The following PCDH7 variants were observed in gnomAD, a reference collection of about 807,000 sequenced individuals.
PCDH7 encodes the protein protocadherin 7.
A neutral mutation model predicts 58.9 loss-of-function variants in PCDH7; 17 were observed. The observed-to-expected ratio is 0.29, with a 90% CI of 0.20 to 0.43. PCDH7 has a LOEUF of 0.43. PCDH7 is among the 20% of genes least tolerant of loss of function. The pLI, the probability that PCDH7 is intolerant of heterozygous loss-of-function variation, is 1.00. For missense variants in PCDH7, 1,274 were observed against 1,441.0 expected, an observed-to-expected ratio of 0.88 and a Z score of 1.88; for synonymous variants, 664 against 616.4, an observed-to-expected ratio of 1.08 and a Z score of -1.14.
intron 3 of PCDH7, among the ~76,000 whole-genome samples, chr4:31,062,883 G>A (rs774460424): frequency 1.3e-5 from 2 of 151,744 alleles, no homozygotes; most frequent in African/African-American, 2.4e-5. Context: ...ACCAAGTTTT[G>A]TTGCTGTTGC....
chr4:30,992,403 G>A (rs142544730), intron 3 of PCDH7, among the ~76,000 whole-genome samples: 53 of 152,282 alleles, frequency 3.5e-4, no homozygotes, highest in Middle Eastern at 3.4e-3. Context: ...GGGTGCCTCA[G>A]TATAACAACA....
chr4:30,766,804 A>T (rs1216409317), intron 1 of PCDH7, among the ~76,000 whole-genome samples: 1 of 152,096 alleles, frequency 6.6e-6, no homozygotes, highest in Non-Finnish European at 1.5e-5. Flanking sequence ...GTTACATCTG[A>T]TTTATTTGTA....
intron 3 of PCDH7, among the ~76,000 whole-genome samples, chr4:30,973,243 G>T (rs1156687809): frequency 6.6e-6 from 1 of 152,188 alleles, no homozygotes; most frequent in African/African-American, 2.4e-5. Flanking sequence ...GAGGATGAAA[G>T]GTACTACAAG....
At chr4:30,933,227 G>A (rs1286634988) in intron 2 of PCDH7, among the ~76,000 whole-genome samples, 7 of 151,956 alleles carry the variant, frequency 4.6e-5, no homozygotes, top group South Asian at 2.1e-4. Context: ...GGGTTTCACC[G>A]TGTTAGCCAG....
At chr4:30,905,832 G>C (rs1257551530) in intron 1 of PCDH7, among the ~76,000 whole-genome samples, 1 of 152,152 alleles carries the variant, frequency 6.6e-6, no homozygotes, top group Non-Finnish European at 1.5e-5. Flanking sequence ...TTTTACACCA[G>C]CCTTGCTATC....
chr4:31,023,809 C>A (rs914465725), intron 3 of PCDH7, among the ~76,000 whole-genome samples: 1 of 152,062 alleles, frequency 6.6e-6, no homozygotes, highest in Non-Finnish European at 1.5e-5. Flanking sequence ...CAAAGAAAGA[C>A]TGAATACAAA....
chr4:30,769,230 T>C (rs1051042364), intron 1 of PCDH7, among the ~76,000 whole-genome samples: 1 of 152,210 alleles, frequency 6.6e-6, no homozygotes, highest in Non-Finnish European at 1.5e-5. Context: ...CAGGACTTCC[T>C]GCACGCAGCT....
At chr4:30,763,138 G>A (rs1210409818) in intron 1 of PCDH7, among the ~76,000 whole-genome samples, 1 of 152,116 alleles carries the variant, frequency 6.6e-6, no homozygotes, top group Non-Finnish European at 1.5e-5. Context: ...CAGGAGAATC[G>A]CTTGAACCTG....
intron 3 of PCDH7, among the ~76,000 whole-genome samples, chr4:31,126,009 G>T: frequency 6.6e-6 from 1 of 152,100 alleles, no homozygotes; most frequent in East Asian, 1.9e-4. Context: ...CTGCCACTCA[G>T]CAGATGCAAG....
At chr4:30,784,319 A>G (rs1332308097) in intron 1 of PCDH7, among the ~76,000 whole-genome samples, 2 of 152,182 alleles carry the variant, frequency 1.3e-5, no homozygotes, top group African/African-American at 4.8e-5. Flanking sequence ...ATGGTGAGAA[A>G]AGTACCTATT....
At chr4:31,097,731 A>G (rs1329220265) in intron 3 of PCDH7, among the ~76,000 whole-genome samples, 6 of 150,130 alleles carry the variant, frequency 4.0e-5, no homozygotes, top group Admixed American at 3.3e-4. Flanking sequence ...TGGATAAAGT[A>G]TAATTTAAAA....
chr4:31,087,618 A>G (rs1259877699), intron 3 of PCDH7, among the ~76,000 whole-genome samples: 1 of 152,114 alleles, frequency 6.6e-6, no homozygotes, highest in Non-Finnish European at 1.5e-5. Flanking sequence ...AGTAGGAGAA[A>G]TAATAGTGGA....
intron 3 of PCDH7, among the ~76,000 whole-genome samples, chr4:31,082,840 GC>G (rs1467798394): frequency 6.6e-6 from 1 of 152,170 alleles, no homozygotes; most frequent in Non-Finnish European, 1.5e-5. Context: ...GGTGGCTCAG[GC>G]CTGTAATCCC....
At chr4:30,924,896 A>G (rs966707810) in intron 2 of PCDH7, among the ~76,000 whole-genome samples, 1 of 152,154 alleles carries the variant, frequency 6.6e-6, no homozygotes, top group African/African-American at 2.4e-5. Context: ...AATAAATTAA[A>G]AAAAAAACAG....
At chr4:30,794,990 A>C (rs893121499) in intron 1 of PCDH7, among the ~76,000 whole-genome samples, 1 of 152,040 alleles carries the variant, frequency 6.6e-6, no homozygotes, top group Non-Finnish European at 1.5e-5. Context: ...TGAGTATTTA[A>C]ATTACTATTT....
intron 3 of PCDH7, among the ~76,000 whole-genome samples, chr4:31,056,095 G>A (rs73812504): frequency 0.088 from 13,400 of 152,090 alleles, 695 homozygotes; most frequent in South Asian, 0.18. Context: ...AGAGCCGGGC[G>A]TGGTGGCTCA....
At chr4:30,915,565 C>T (rs530231094) in intron 1 of PCDH7, among the ~76,000 whole-genome samples, 60 of 152,212 alleles carry the variant, frequency 3.9e-4, no homozygotes, top group African/African-American at 1.4e-3. Context: ...CGCTCTGTCA[C>T]CAGGCTAGAG....
chr4:30,889,371 T>G (rs531732714), intron 1 of PCDH7, among the ~76,000 whole-genome samples: 1 of 152,082 alleles, frequency 6.6e-6, no homozygotes. Flanking sequence ...ATCCTTATTA[T>G]TATAAGCTAT....
At chr4:30,754,859 T>C (rs921491276) in intron 1 of PCDH7, among the ~76,000 whole-genome samples, 2 of 152,194 alleles carry the variant, frequency 1.3e-5, no homozygotes, top group African/African-American at 4.8e-5. Context: ...AATATTCAGA[T>C]GGCTTAAACA....
Sources: allele counts gnomAD v4.1 joint callset (sites outside exome capture counted in the v4.1 genomes callset), GRCh38; gene constraint gnomAD v4.1.1; transcripts MANE v1.5; gene names NCBI Gene and HGNC (gene_info 2026-07-23, HGNC 2026-07-21).